The following EML6 variants were observed in gnomAD, a reference collection of about 807,000 sequenced individuals.
The protein encoded by EML6 is EMAP like 6.
Under a neutral mutation model 240.1 loss-of-function variants are expected in EML6, and 154 were observed. That is an observed-to-expected ratio of 0.64 (90% confidence interval 0.56 to 0.73). The LOEUF (loss-of-function observed/expected upper bound fraction) is 0.73, where lower values mean the gene tolerates loss of function less well. EML6 is among the 30% of genes least tolerant of loss of function. The pLI is 0.00. For synonymous variants in EML6, 1,148 were observed against 899.0 expected (o/e 1.28, Z -4.95); for missense variants, 2,964 against 2,474.6 (o/e 1.20, Z -4.20).
intron 6 of EML6, 135 bp from the exon 7 acceptor site, chr2:54,829,207 C>G (rs1178957777): frequency 2.9e-6 from 2 of 701,532 alleles, no homozygotes; most frequent in Non-Finnish European, 4.4e-6. Flanking sequence ...GGTCTATTGT[C>G]AGCATTTCAA....
intron 17 of EML6, among the ~76,000 whole-genome samples, chr2:54,886,671 G>T (rs1306668872): frequency 6.6e-6 from 1 of 152,112 alleles, no homozygotes; most frequent in African/African-American, 2.4e-5. Flanking sequence ...ATCTCATTAT[G>T]GTTTTCCTAA....
rs1669824976 is a variant in EML6, at chr2:54,847,423, T to A, written c.1050-63T>A. 3 of 1,523,314 alleles carry A rather than the reference T, an allele frequency of 2.0e-6. No homozygotes were observed. In the African/African-American group the frequency reaches 4.1e-5, roughly 21 times the overall value. 94.4% of individuals were successfully genotyped at this position (1,523,314 alleles called of 1,614,324 possible). ...GTGTGGTGAGCAGCCCTTCTTGCCT[T>A]GGGCTGGCCGATGACCATGGGAAGT... is the stretch of plus-strand genomic sequence containing the variant. On this transcript the variant is annotated intron_variant, in intron 8 of 41. Transcript: ENST00000356458.
chr2:54,856,707 G>T (rs1670401137), intron 11 of EML6, among the ~76,000 whole-genome samples: 1 of 152,200 alleles, frequency 6.6e-6, no homozygotes. Context: ...GGGTGACAGG[G>T]CTGTGTCGTA....
At chr2:54,936,606 C>G (rs1436520479) in intron 28 of EML6, among the ~76,000 whole-genome samples, 1 of 151,974 alleles carries the variant, frequency 6.6e-6, no homozygotes, top group East Asian at 1.9e-4. Flanking sequence ...ATAATTAGCT[C>G]AAGGATTGTT....
chr2:54,867,140 TA>T, intron 14 of EML6: 1 of 291,302 alleles, frequency 3.4e-6, no homozygotes, highest in Non-Finnish European at 6.5e-6. Context: ...TTCCATGACT[TA>T]AAGGGTGCTG....
In EML6 at chr2:54,911,034, C is replaced by G. The variant is rs376607603; in HGVS notation, c.3490C>G (p.Pro1164Ala). 5 of 1,496,554 alleles carry G rather than the reference C, an allele frequency of 3.3e-6. No individual in the cohort carries two copies. In the African/African-American group the frequency reaches 6.9e-5, roughly 21 times the overall value. The allele number at this position is 1,496,554 out of a possible 1,614,324, so 92.7% of individuals were successfully genotyped here. A position where few individuals can be genotyped will look rare whatever the true frequency, so the allele number is the denominator to read the frequency against. The change falls in exon 25 of 42, where the codon CCT becomes GCT. Residue 1164 changes from proline to alanine, a missense_variant. Coordinates refer to ENST00000356458, the MANE Select transcript of EML6 (RefSeq NM_001039753.4). ...APRGKRHIIRPSEIEKIEWDT... is the reference protein window; with the variant it reads ...APRGKRHIIRASEIEKIEWDT... Reference sequence around the variant, plus strand: ...AAGAGGCAAACGGCATATAATAAGACCTTCAGAGGTAATAATCATACACAA... The same window carrying G: ...AAGAGGCAAACGGCATATAATAAGAGCTTCAGAGGTAATAATCATACACAA...
At chr2:54,964,997 C>T (rs916290635) in intron 38 of EML6, among the ~76,000 whole-genome samples, 1 of 152,142 alleles carries the variant, frequency 6.6e-6, no homozygotes, top group Non-Finnish European at 1.5e-5. Flanking sequence ...TTTAATCTGC[C>T]CCTCACCACC....
intron 2 of EML6, among the ~76,000 whole-genome samples, chr2:54,749,304 A>T (rs1312690324): frequency 1.3e-5 from 2 of 152,218 alleles, no homozygotes; most frequent in Non-Finnish European, 2.9e-5. Flanking sequence ...ACATTTACAC[A>T]TGTGAAGACT....
chr2:54,863,766 G>C lies in EML6; in HGVS notation c.1826-17G>C. 1.4e-6 allele frequency: 2 copies of C among 1,396,742 alleles called. No individual in the cohort carries two copies. Among genetic ancestry groups the C allele is most frequent in the Non-Finnish European group, 2.0e-6 (2 of 1,012,206 alleles). The allele number at this position is 1,396,742 out of a possible 1,614,324, so 86.5% of individuals were successfully genotyped here. Reference sequence around the variant, plus strand: ...CTCAGAATTTTTGCTTGTTTCTTGTGGGTTGTATCTCTGCAGAAGGTGGAG... The same window carrying C: ...CTCAGAATTTTTGCTTGTTTCTTGTCGGTTGTATCTCTGCAGAAGGTGGAG... On this transcript the variant is annotated splice_polypyrimidine_tract_variant and intron_variant, in intron 12 of 41. Coordinates refer to ENST00000356458, the MANE Select transcript of EML6 (RefSeq NM_001039753.4).
rs1472156483 is a variant in EML6 at position 54,879,398 on chromosome 2, A to G, written c.2345-149A>G. On this transcript the variant is annotated intron_variant, in intron 16 of 41. Transcript: ENST00000356458. Reference sequence around the variant, plus strand: ...GTGTGATGTTTCAGTACATGTATACATTGTATAATCAAGTCAGGGCAGCTA... The same window carrying G: ...GTGTGATGTTTCAGTACATGTATACGTTGTATAATCAAGTCAGGGCAGCTA... 18 of 629,752 alleles carry G rather than the reference A, an allele frequency of 2.9e-5. No individual in the cohort carries two copies. The Middle Eastern group carries it at 1.2e-3, about 41-fold the overall frequency. 39.0% of individuals were successfully genotyped at this position (629,752 alleles called of 1,614,324 possible).
intron 9 of EML6, among the ~76,000 whole-genome samples, chr2:54,848,507 T>G (rs1364431456): frequency 1.4e-5 from 1 of 72,832 alleles, no homozygotes; most frequent in Admixed American, 1.7e-4. Flanking sequence ...TTCGATGGAC[T>G]TCTCAAGCTT....
At chr2:54,845,673 AAC>A (rs541284085) in intron 8 of EML6, among the ~76,000 whole-genome samples, 16 of 152,226 alleles carry the variant, frequency 1.1e-4, no homozygotes, top group Non-Finnish European at 2.2e-4. Context: ...ACAAGGTTGA[AAC>A]AGCATGAGAT....
intron 4 of EML6, among the ~76,000 whole-genome samples, chr2:54,819,637 G>T (rs905552997): frequency 6.6e-6 from 1 of 152,030 alleles, no homozygotes; most frequent in Non-Finnish European, 1.5e-5. Context: ...TTAACTGGGC[G>T]TGGTGGCACG....
intron 8 of EML6, among the ~76,000 whole-genome samples, chr2:54,845,522 C>G (rs1669705161): frequency 6.6e-6 from 1 of 152,176 alleles, no homozygotes; most frequent in Non-Finnish European, 1.5e-5. Context: ...CATTTTTACA[C>G]TAAGTATTAA....
chr2:54,874,603 T>C (rs962664379), intron 16 of EML6, among the ~76,000 whole-genome samples: 1 of 152,222 alleles, frequency 6.6e-6, no homozygotes, highest in African/African-American at 2.4e-5. Flanking sequence ...AGGAATCTGA[T>C]AGTTTTAGAA....
At position 54,818,885 on chromosome 2, in the gene EML6, T is replaced by A. The variant is rs530490284; in HGVS notation, c.457-1509T>A. On this transcript the variant is annotated intron_variant, in intron 4 of 41. Coordinates refer to ENST00000356458, the MANE Select transcript of EML6 (RefSeq NM_001039753.4). ...ACCAGTATGAATTATTGACTGCTTA[T>A]GATTAACTTCAAGATTATCCTCAAG... Among the ~76,000 whole-genome samples, 283 of 152,370 alleles carry A rather than the reference T, an allele frequency of 1.9e-3. 2 individuals carry two copies. Among genetic ancestry groups the A allele is most frequent in the African/African-American group, 6.4e-3 (268 of 41,592 alleles).
intron 26 of EML6, among the ~76,000 whole-genome samples, chr2:54,925,547 T>G (rs1051244372): frequency 6.6e-6 from 1 of 151,566 alleles, no homozygotes; most frequent in Non-Finnish European, 1.5e-5. Context: ...CTCATTCTAC[T>G]TTCCTATGAG....
At position 54,967,113 on chromosome 2, in the gene EML6, T is replaced by G; in HGVS notation, c.5597+10T>G. ...GGGCCTCCTGGACAAGGTGACTGACTGGAAGAAAAAACTTGAGGAAAAGGT... is the reference window on the plus strand; with the variant it reads ...GGGCCTCCTGGACAAGGTGACTGACGGGAAGAAAAAACTTGAGGAAAAGGT... On this transcript the variant is annotated intron_variant, in intron 39 of 41. Coordinates refer to ENST00000356458, the MANE Select transcript of EML6 (RefSeq NM_001039753.4). The G allele has an allele frequency of 1.3e-6, 2 of 1,540,744 alleles. No individual in the cohort carries two copies. Among genetic ancestry groups the G allele is most frequent in the Non-Finnish European group, 1.8e-6 (2 of 1,137,468 alleles).
intron 38 of EML6, among the ~76,000 whole-genome samples, chr2:54,965,066 C>T (rs1489049858): frequency 3.3e-5 from 5 of 152,224 alleles, no homozygotes; most frequent in African/African-American, 1.2e-4. Context: ...CCTTGTGCCG[C>T]TTCTGGTATT....
Sources: gnomAD v4.1 joint callset for allele counts (sites outside exome capture counted in the v4.1 genomes callset) on GRCh38, gnomAD v4.1.1 for gene constraint, MANE v1.5 for transcripts, NCBI Gene and HGNC (gene_info 2026-07-23, HGNC 2026-07-21) for gene names.